Variants in NOL4 observed in about 807,000 individuals in gnomAD.
NOL4 encodes nucleolar protein 4, also known as cancer/testis antigen 125.
Under a neutral mutation model 75.9 loss-of-function variants are expected in NOL4, and 17 were observed. The ratio of observed to expected loss-of-function variants is 0.22; its 90% CI spans 0.15 to 0.34. NOL4 has a LOEUF of 0.34. Ranked by LOEUF, NOL4 falls within the 10% of genes least tolerant of loss-of-function variation. The probability of loss-of-function intolerance (pLI) is 1.00; values close to 1 mark genes in which losing one functional copy is unlikely to be tolerated. For missense variants in NOL4, 614 were observed against 793.5 expected, an observed-to-expected ratio of 0.77 and a Z score of 2.72; for synonymous variants, 292 against 289.9, an observed-to-expected ratio of 1.01 and a Z score of -0.07.
intron 4 of NOL4, among the ~76,000 whole-genome samples, chr18:34,097,520 A>G (rs1013261086): frequency 5.3e-5 from 8 of 152,216 alleles, no homozygotes; most frequent in African/African-American, 1.9e-4. Flanking sequence ...ACATTGTGCA[A>G]TGATGGAATT....
At chr18:34,184,887 T>C (rs2034335697) in intron 1 of NOL4, among the ~76,000 whole-genome samples, 1 of 152,082 alleles carries the variant, frequency 6.6e-6, no homozygotes, top group Admixed American at 6.6e-5. Flanking sequence ...GACATACAAG[T>C]AACTAATGGG....
At chr18:33,998,136 G>T (rs928832312) in intron 6 of NOL4, among the ~76,000 whole-genome samples, 1 of 152,018 alleles carries the variant, frequency 6.6e-6, no homozygotes, top group Non-Finnish European at 1.5e-5. Flanking sequence ...GGAAGAAAGA[G>T]AGTCATAGTT....
At chr18:33,979,801 C>T (rs1001690183) in intron 6 of NOL4, among the ~76,000 whole-genome samples, 13 of 151,950 alleles carry the variant, frequency 8.6e-5, no homozygotes, top group African/African-American at 2.9e-4. Flanking sequence ...TATGCAAAAG[C>T]TTTAATTTCT....
chr18:33,891,836 G>A (rs937711020), intron 9 of NOL4, among the ~76,000 whole-genome samples: 1 of 152,052 alleles, frequency 6.6e-6, no homozygotes, highest in Non-Finnish European at 1.5e-5. Flanking sequence ...ACTGCACTAA[G>A]TAGCCAGATA....
intron 1 of NOL4, among the ~76,000 whole-genome samples, chr18:34,192,353 G>T (rs2034980975): frequency 6.6e-6 from 1 of 151,992 alleles, no homozygotes. Context: ...CACATAAACA[G>T]AAAAAATTTC....
At chr18:34,046,616 A>ATATATATATATATATATATATATG (rs1568268764) in intron 5 of NOL4, among the ~76,000 whole-genome samples, 1 of 116,368 alleles carries the variant, frequency 8.6e-6, no homozygotes, top group African/African-American at 2.9e-5. Flanking sequence ...ACATATATAT[A>ATATATATATATATATATATATATG]TATATATATA....
At chr18:33,992,374 A>T (rs911413346) in intron 6 of NOL4, among the ~76,000 whole-genome samples, 1 of 152,042 alleles carries the variant, frequency 6.6e-6, no homozygotes, top group Non-Finnish European at 1.5e-5. Context: ...TTATGACAGC[A>T]TGAAGAGCTC....
intron 6 of NOL4, among the ~76,000 whole-genome samples, chr18:33,973,889 G>A (rs181632124): frequency 1.8e-3 from 279 of 151,686 alleles, no homozygotes; most frequent in African/African-American, 6.1e-3. Context: ...CTTAAGGGCC[G>A]TAGGATTTTC....
Position 33,972,271 on chromosome 18 carries a change from C to G in NOL4, c.1057-13853G>C, listed in dbSNP as rs185189320. ...TAAATGTATAAAAATGCCTGCAACTCAACAATAAAAAAAAACAAATAACCT... is the reference window on the plus strand; with the variant it reads ...TAAATGTATAAAAATGCCTGCAACTGAACAATAAAAAAAAACAAATAACCT... On this transcript the variant is annotated intron_variant, in intron 6 of 10. Coordinates refer to ENST00000261592, the MANE Select transcript of NOL4 (RefSeq NM_003787.5). Among the ~76,000 whole-genome samples, 138 of 151,236 alleles carry G rather than the reference C, an allele frequency of 9.1e-4. 5 individuals carry two copies. Among genetic ancestry groups the G allele is most frequent in the Admixed American group, 8.3e-3 (126 of 15,184 alleles).
At chr18:33,961,960 A>G (rs968154604) in intron 6 of NOL4, among the ~76,000 whole-genome samples, 22 of 152,214 alleles carry the variant, frequency 1.4e-4, no homozygotes, top group African/African-American at 5.3e-4. Context: ...GGTATCTCCT[A>G]CTTGTTTGCT....
chr18:33,931,312 G>C (rs1048171793), intron 9 of NOL4, among the ~76,000 whole-genome samples: 5 of 152,128 alleles, frequency 3.3e-5, no homozygotes, highest in African/African-American at 1.2e-4. Flanking sequence ...GGAACATTGG[G>C]GAACTCTATA....
intron 5 of NOL4, among the ~76,000 whole-genome samples, chr18:34,089,453 T>C (rs773415569): frequency 6.6e-6 from 1 of 152,070 alleles, no homozygotes; most frequent in Non-Finnish European, 1.5e-5. Context: ...AATAATGATC[T>C]ATATCTACAC....
At chr18:34,184,251 T>A (rs1224285278) in intron 1 of NOL4, among the ~76,000 whole-genome samples, 1 of 151,840 alleles carries the variant, frequency 6.6e-6, no homozygotes, top group Non-Finnish European at 1.5e-5. Flanking sequence ...AATAAGATAA[T>A]TATTTATATC....
intron 1 of NOL4, among the ~76,000 whole-genome samples, chr18:34,166,388 AACTGAAGT>A (rs2146222600): frequency 6.6e-6 from 1 of 152,258 alleles, no homozygotes; most frequent in South Asian, 2.1e-4. Flanking sequence ...TTGTATCTGG[AACTGAAGT>A]AAGTAAACAG....
chr18:34,177,470 ATAAACT>A (rs770085198), intron 1 of NOL4, among the ~76,000 whole-genome samples: 37 of 152,132 alleles, frequency 2.4e-4, no homozygotes, highest in East Asian at 2.1e-3. Flanking sequence ...ACTTCAAATA[ATAAACT>A]TAAACAAATC....
intron 6 of NOL4, among the ~76,000 whole-genome samples, chr18:33,988,822 T>A (rs1158520306): frequency 2.0e-5 from 3 of 151,986 alleles, no homozygotes; most frequent in Admixed American, 6.6e-5. Context: ...GCCTCTATAT[T>A]TTACCTTCTT....
chr18:34,184,806 G>C (rs1004731104), intron 1 of NOL4, among the ~76,000 whole-genome samples: 1 of 152,100 alleles, frequency 6.6e-6, no homozygotes, highest in African/African-American at 2.4e-5. Flanking sequence ...CAATCAAACT[G>C]TCTACTCTCA....
At chr18:33,964,961 C>T (rs1426358177) in intron 6 of NOL4, among the ~76,000 whole-genome samples, 2 of 152,002 alleles carry the variant, frequency 1.3e-5, no homozygotes, top group African/African-American at 4.8e-5. Flanking sequence ...GTAACCCTTG[C>T]TTGTATTATG....
intron 2 of NOL4, among the ~76,000 whole-genome samples, chr18:34,112,988 C>T (rs2079673678): frequency 6.6e-6 from 1 of 152,108 alleles, no homozygotes; most frequent in South Asian, 2.1e-4. Context: ...ATCTGTTTCT[C>T]AAGACAGGGT....
Sources: allele counts gnomAD v4.1 joint callset (sites outside exome capture counted in the v4.1 genomes callset), GRCh38; gene constraint gnomAD v4.1.1; transcripts MANE v1.5; gene names NCBI Gene and HGNC (gene_info 2026-07-23, HGNC 2026-07-21).